IL19: variants seen among roughly 807,000 people sequenced by gnomAD.
IL19 encodes interleukin-19.
A neutral mutation model predicts 19.5 loss-of-function variants in IL19; 15 were observed. The observed-to-expected ratio is 0.77, with a 90% confidence interval of 0.52 to 1.19. The LOEUF is 1.19. Ranked by LOEUF, IL19 falls within the 50% of genes most tolerant of loss-of-function variation. The probability of loss-of-function intolerance (pLI) is 0.00; values close to 1 mark genes in which losing one functional copy is unlikely to be tolerated. For synonymous variants in IL19, 78 were observed against 78.3 expected, an observed-to-expected ratio of 1.00 and a Z score of 0.02; for missense variants, 199 against 213.1, an observed-to-expected ratio of 0.93 and a Z score of 0.41.
Position 206,836,941 on chromosome 1 carries a change from T to C in IL19, c.145-17T>C. On this transcript the variant is annotated splice_polypyrimidine_tract_variant and intron_variant, in intron 3 of 6. Transcript: ENST00000659997. Reference sequence around the variant, plus strand: ...GATACCGATTGCTTATGTCTGTTCTTATGTTTCCCTCCACAGCAAGCTAAG... The same window carrying C: ...GATACCGATTGCTTATGTCTGTTCTCATGTTTCCCTCCACAGCAAGCTAAG... 6.2e-7 allele frequency: 1 copy of C among 1,612,644 alleles called. No individual in the cohort carries two copies. Among genetic ancestry groups the C allele is most frequent in the Non-Finnish European group, 8.5e-7 (1 of 1,178,666 alleles).
intron 1 of IL19, among the ~76,000 whole-genome samples, chr1:206,781,244 G>T (rs1026060655): frequency 2.0e-5 from 3 of 151,766 alleles, no homozygotes; most frequent in South Asian, 4.2e-4. Flanking sequence ...AGTAGTTCAA[G>T]ACCAGCCTGG....
chr1:206,815,312 C>G (rs1445336010), intron 2 of IL19, among the ~76,000 whole-genome samples: 2 of 151,980 alleles, frequency 1.3e-5, no homozygotes, highest in Non-Finnish European at 2.9e-5. Flanking sequence ...TCACAGTACC[C>G]AGATTCGAGG....
In IL19 at chr1:206,836,775, A is replaced by G; in HGVS notation, c.113A>G (p.Glu38Gly). ...ATTTCCACAGACATGCACCATATAG[A>G]AGAGAGTTTCCAAGAAATCAAAAGA... ...CLISTDMHHI[E>G]ESFQEIKRAI... The change falls in exon 3 of 7, where the codon GAA (glutamate) becomes GGA (glycine). Residue 38 changes from glutamate (E) to glycine (G), a missense_variant. Physicochemically the swap from Glu to Gly is moderately conservative, Grantham distance 98 (BLOSUM62 -2). Transcript: ENST00000659997. 2 of 1,614,134 alleles carry G rather than the reference A, an allele frequency of 1.2e-6. No individual in the cohort carries two copies. Among genetic ancestry groups the G allele is most frequent in the South Asian group, 2.2e-5 (2 of 91,072 alleles).
chr1:206,802,885 C>T (rs558326654), intron 2 of IL19, among the ~76,000 whole-genome samples: 20 of 152,202 alleles, frequency 1.3e-4, no homozygotes, highest in South Asian at 2.1e-4. Flanking sequence ...TTAAGGAAGA[C>T]GAGGGGACAG....
chr1:206,825,244 T>C (rs950359719), intron 2 of IL19, among the ~76,000 whole-genome samples: 2 of 152,228 alleles, frequency 1.3e-5, no homozygotes. Flanking sequence ...AGTAACTCTT[T>C]CTGTATTTAA....
In IL19 at chr1:206,770,867, T is replaced by C; in HGVS notation, c.-360T>C. 1 of 1,604,330 alleles carries C rather than the reference T, an allele frequency of 6.2e-7. No homozygotes were observed. Among genetic ancestry groups the C allele is most frequent in the South Asian group, 1.1e-5 (1 of 90,908 alleles). On this transcript the variant is annotated 5_prime_UTR_variant, in exon 1 of 7. Transcript: ENST00000659997. The stretch of plus-strand genomic sequence containing the variant: ...TGCTGGTCTGTAGGAGATGGTATTT[T>C]GGGGGCAGCTGCAAGGGAAAAAACT...
chr1:206,783,218 G>C (rs1675187725), intron 1 of IL19, among the ~76,000 whole-genome samples: 4 of 152,146 alleles, frequency 2.6e-5, no homozygotes, highest in Admixed American at 6.5e-5. Flanking sequence ...AGGGGAAAAA[G>C]AAACTCCTTT....
chr1:206,835,519 G>T (rs1014062081), intron 2 of IL19, among the ~76,000 whole-genome samples: 1 of 152,210 alleles, frequency 6.6e-6, no homozygotes, highest in African/African-American at 2.4e-5. Context: ...CATGGGGAGT[G>T]GGGGCAGCTG....
At chr1:206,816,033 C>G (rs564869941) in intron 2 of IL19, among the ~76,000 whole-genome samples, 44 of 151,784 alleles carry the variant, frequency 2.9e-4, no homozygotes, top group Admixed American at 5.9e-4. Flanking sequence ...GTACTGAAAA[C>G]AAAACAAAAC....
chr1:206,805,728 A>G (rs1675830303), intron 2 of IL19, among the ~76,000 whole-genome samples: 1 of 152,278 alleles, frequency 6.6e-6, no homozygotes. Context: ...ACATAACAGG[A>G]GTTCCTAAAG....
At chr1:206,784,721 T>C (rs1488286226) in intron 1 of IL19, among the ~76,000 whole-genome samples, 1 of 152,170 alleles carries the variant, frequency 6.6e-6, no homozygotes, top group Non-Finnish European at 1.5e-5. Flanking sequence ...ATTTCTCACA[T>C]TGACTGTTTC....
At position 206,784,845 on chromosome 1, in the gene IL19, G is replaced by T. The variant is rs12563100; in HGVS notation, c.-149+13767G>T. 5.1e-3 allele frequency among the ~76,000 whole-genome samples: 778 copies of T among 152,386 alleles called. 16 individuals carry two copies. The highest frequency in any genetic ancestry group is 0.046 in the East Asian group (241 of 5,190). ...CCACGCAGTAAAATGTCTGTGTTGC[G>T]TTGATGCCTGCGCGACGCAGGCCTA... is the stretch of plus-strand genomic sequence containing the variant. On this transcript the variant is annotated intron_variant, in intron 1 of 6. Transcript: ENST00000659997.
intron 1 of IL19, chr1:206,772,119 TGATCTAG>T: frequency 2.7e-6 from 2 of 741,164 alleles, no homozygotes; most frequent in Non-Finnish European, 4.7e-6. Flanking sequence ...ACCCATGGCT[TGATCTAG>T]GATTCTCTTA....
At chr1:206,772,605 C>A in intron 1 of IL19, 1 of 644,156 alleles carries the variant, frequency 1.6e-6, no homozygotes, top group South Asian at 1.8e-5. Context: ...CTGCTTAGAG[C>A]TCCTCCTTCT....
intron 1 of IL19, among the ~76,000 whole-genome samples, chr1:206,792,515 T>C (rs1215846991): frequency 6.6e-6 from 1 of 152,098 alleles, no homozygotes; most frequent in Non-Finnish European, 1.5e-5. Flanking sequence ...GGGGTGGAAT[T>C]GCATGATCTT....
intron 1 of IL19, among the ~76,000 whole-genome samples, chr1:206,775,724 C>T (rs1238066549): frequency 6.6e-6 from 1 of 152,160 alleles, no homozygotes; most frequent in East Asian, 1.9e-4. Context: ...GGGAAAAGTC[C>T]CAAGCCCATA....
intron 2 of IL19, among the ~76,000 whole-genome samples, chr1:206,815,971 G>A (rs1371369510): frequency 6.6e-6 from 1 of 151,976 alleles, no homozygotes; most frequent in African/African-American, 2.4e-5. Context: ...TTTATTATAC[G>A]TTGTTTTGTT....
chr1:206,770,831 G>A lies in IL19; in HGVS notation c.-396G>A, dbSNP rs1021811350. ...CTGTGTCTTTGCTGTGTCTGTGGAT[G>A]TGAGTGTCCCTGCTGGTCTGTAGGA... On this transcript the variant is annotated 5_prime_UTR_variant, in exon 1 of 7. In the 5' UTR this introduces an upstream ATG that the reference lacks. Coordinates refer to ENST00000659997, the MANE Select transcript of IL19 (RefSeq NM_153758.5). The A allele has an allele frequency of 3.0e-5, 41 of 1,374,750 alleles. 1 individual carries two copies. Among genetic ancestry groups the A allele is most frequent in the Non-Finnish European group, 4.1e-5 (39 of 960,534 alleles). The allele number at this position is 1,374,750 out of a possible 1,614,324, so 85.2% of individuals were successfully genotyped here.
intron 1 of IL19, among the ~76,000 whole-genome samples, chr1:206,786,057 G>T (rs1352428775): frequency 6.6e-6 from 1 of 152,114 alleles, no homozygotes; most frequent in Non-Finnish European, 1.5e-5. Flanking sequence ...CATCCTTAGA[G>T]GGTATCATGA....
Sources: gnomAD v4.1 joint callset for allele counts (sites outside exome capture counted in the v4.1 genomes callset) on GRCh38, gnomAD v4.1.1 for gene constraint, MANE v1.5 for transcripts, NCBI Gene and HGNC (gene_info 2026-07-23, HGNC 2026-07-21) for gene names.